ITPKB: variants seen among roughly 807,000 people sequenced by gnomAD.
The protein encoded by ITPKB is inositol-trisphosphate 3-kinase B.
ITPKB carries 13 observed loss-of-function variants against 69.4 expected under a neutral mutation model. That is an observed-to-expected ratio of 0.19 (90% CI 0.12 to 0.30). ITPKB has a LOEUF of 0.30. ITPKB is among the 10% of genes least tolerant of loss of function. The pLI, the probability that ITPKB is intolerant of heterozygous loss-of-function variation, is 1.00. For missense variants in ITPKB, 1,240 were observed against 1,250.5 expected, an observed-to-expected ratio of 0.99 and a Z score of 0.13; for synonymous variants, 584 against 513.7, an observed-to-expected ratio of 1.14 and a Z score of -1.85.
chr1:226,736,694 T>C lies in ITPKB; in HGVS notation c.765A>G (p.Val255=). ...GSEAQGPSAF[V]RMEKGIPASP... ...TGGCAGGGATACCCTTCTCCATCCT[T>C]ACAAAAGCGGATGGACCCTGAGCCT... is the stretch of plus-strand genomic sequence containing the variant. Residue 255 remains valine (V), a synonymous_variant, in exon 2 of 8, where the codon GTA becomes GTG. Coordinates refer to ENST00000429204, the MANE Select transcript of ITPKB (RefSeq NM_002221.4). The C allele has an allele frequency of 1.2e-6, 2 of 1,612,908 alleles. No individual in the cohort carries two copies. Among genetic ancestry groups the C allele is most frequent in the Non-Finnish European group, 1.7e-6 (2 of 1,179,792 alleles).
chr1:226,650,081 CAG>C lies in ITPKB; in HGVS notation c.1933-1312_1933-1311del, dbSNP rs1278438805. Among the ~76,000 whole-genome samples the C allele has an allele frequency of 3.3e-5, 5 of 152,322 alleles. No homozygotes were observed. In the East Asian group the frequency reaches 5.8e-4, roughly 18 times the overall value. ...AGGAGATGAGGGTGGTACTGCCTGA[CAG>C]GGGGACACACTGAAGATGTGGTTCC... On this transcript the variant is annotated intron_variant, in intron 2 of 7. Transcript: ENST00000429204.
At chr1:226,706,095 C>T (rs921064656) in intron 2 of ITPKB, among the ~76,000 whole-genome samples, 11 of 152,222 alleles carry the variant, frequency 7.2e-5, no homozygotes, top group Admixed American at 7.2e-4. Flanking sequence ...GATGATCCCC[C>T]TCCTGTGAGG....
chr1:226,655,061 AGAG>A (rs1389399635), intron 2 of ITPKB, among the ~76,000 whole-genome samples: 1 of 144,804 alleles, frequency 6.9e-6, no homozygotes, highest in African/African-American at 2.5e-5. Context: ...AGAAGGAAGA[AGAG>A]GAGGTGGGGA....
In ITPKB at chr1:226,637,887, C is replaced by A. The variant is rs185678391; in HGVS notation, c.2554-137G>T. 3.0e-6 allele frequency: 2 copies of A among 670,774 alleles called. No homozygotes were observed. The highest frequency in any genetic ancestry group is 5.4e-6 in the Non-Finnish European group (2 of 369,188). 41.6% of individuals were successfully genotyped at this position (670,774 alleles called of 1,614,324 possible). A position where few individuals can be genotyped will look rare whatever the true frequency, so the allele number is the denominator to read the frequency against. On this transcript the variant is annotated intron_variant, in intron 6 of 7. Coordinates refer to ENST00000429204, the MANE Select transcript of ITPKB (RefSeq NM_002221.4). The surrounding 1 kb of genome is among the most constrained non-coding windows in gnomAD (Gnocchi z 4.3). ...CCGGACATCTAGAGGCAGCTTCCTG[C>A]GAGCAGGGCTGCTGTGGCGTCTTTC... is the stretch of plus-strand genomic sequence containing the variant.
chr1:226,654,501 T>C (rs1483068079), intron 2 of ITPKB, among the ~76,000 whole-genome samples: 1 of 152,162 alleles, frequency 6.6e-6, no homozygotes, highest in African/African-American at 2.4e-5. Flanking sequence ...ATCTACTCCC[T>C]GGGGGCCAAG....
intron 2 of ITPKB, among the ~76,000 whole-genome samples, chr1:226,716,033 ACTCCTGAC>A (rs1216269143): frequency 6.6e-6 from 1 of 152,064 alleles, no homozygotes; most frequent in African/African-American, 2.4e-5. Flanking sequence ...CTGGTCTCAA[ACTCCTGAC>A]CTCAGGCAAT....
Position 226,736,405 on chromosome 1 carries a change from T to C in ITPKB, c.1054A>G (p.Ser352Gly). Residue 352 changes from serine (S) to glycine (G), a missense_variant, in exon 2 of 8, where the codon AGT (serine) becomes GGT (glycine). Around this residue, in one of 2 missense-constraint regions of ITPKB, gnomAD observed 992 missense variants for 853.8 expected, o/e 1.16. Transcript: ENST00000429204. ...CTTTCTGGGGCTGGGCTTGTCTCAC[T>C]GCCCAGAAACTGCCCCTGCCTCTCC... Reference protein sequence around the residue: ...LVERQGQFLGSETSPAPERGG... With the variant: ...LVERQGQFLGGETSPAPERGG... 1.9e-6 allele frequency: 3 copies of C among 1,612,542 alleles called. No individual in the cohort carries two copies. The highest frequency in any genetic ancestry group is 2.5e-6 in the Non-Finnish European group (3 of 1,179,982).
chr1:226,636,635 AGAGAGTCCCTAC>A (rs1466090458), intron 7 of ITPKB, among the ~76,000 whole-genome samples: 1 of 152,214 alleles, frequency 6.6e-6, no homozygotes, highest in Non-Finnish European at 1.5e-5. Flanking sequence ...GACCTCCACA[AGAGAGTCCCTAC>A]GAGAGGGGCT....
intron 2 of ITPKB, among the ~76,000 whole-genome samples, chr1:226,730,508 G>GTACC (rs1481199191): frequency 2.6e-5 from 4 of 152,078 alleles, no homozygotes; most frequent in Non-Finnish European, 5.9e-5. Context: ...GGAGTTGAGA[G>GTACC]TACCATATGC....
intron 2 of ITPKB, among the ~76,000 whole-genome samples, chr1:226,726,350 G>A (rs1323648858): frequency 6.6e-6 from 1 of 152,194 alleles, no homozygotes. Context: ...TGATGATGAT[G>A]AAGGAGAAAG....
chr1:226,720,080 T>C (rs930866341), intron 2 of ITPKB, among the ~76,000 whole-genome samples: 4 of 152,252 alleles, frequency 2.6e-5, no homozygotes, highest in African/African-American at 9.6e-5. Context: ...TTTGCTGCAG[T>C]TGCATCTATT....
In ITPKB at chr1:226,637,641, C is replaced by A. The variant is rs761542057; in HGVS notation, c.2625+38G>T. On this transcript the variant is annotated intron_variant, in intron 7 of 7. Coordinates refer to ENST00000429204, the MANE Select transcript of ITPKB (RefSeq NM_002221.4). The surrounding 1 kb of genome is among the most constrained non-coding windows in gnomAD (Gnocchi z 4.3). Reference sequence around the variant, plus strand: ...GAAGGAGAAGGCCTGTTGGCACGCGCAGCATTCTGCTCAAGAGGGCAAAAG... The same window carrying A: ...GAAGGAGAAGGCCTGTTGGCACGCGAAGCATTCTGCTCAAGAGGGCAAAAG... 6.6e-7 allele frequency: 1 copy of A among 1,515,934 alleles called. No individual in the cohort carries two copies. Among genetic ancestry groups the A allele is most frequent in the Non-Finnish European group, 9.2e-7 (1 of 1,091,336 alleles). 93.9% of individuals were successfully genotyped at this position (1,515,934 alleles called of 1,614,324 possible). A position where few individuals can be genotyped will look rare whatever the true frequency, so the allele number is the denominator to read the frequency against.
intron 2 of ITPKB, among the ~76,000 whole-genome samples, chr1:226,674,256 G>A (rs1473335346): frequency 6.6e-6 from 1 of 152,130 alleles, no homozygotes; most frequent in South Asian, 2.1e-4. Context: ...CTGGAGGGCA[G>A]TGGCACCATC....
intron 6 of ITPKB, 111 bp downstream of exon 6, chr1:226,639,446 G>T: frequency 1.3e-6 from 1 of 755,496 alleles, no homozygotes. Context: ...CTCGGGCTGG[G>T]GTGTGCTGTC....
At chr1:226,726,149 T>A (rs1216381971) in intron 2 of ITPKB, among the ~76,000 whole-genome samples, 1 of 152,248 alleles carries the variant, frequency 6.6e-6, no homozygotes, top group Non-Finnish European at 1.5e-5. Flanking sequence ...ATACCCATTT[T>A]ACAGATTGAG....
At chr1:226,665,776 A>C (rs1669488185) in intron 2 of ITPKB, among the ~76,000 whole-genome samples, 1 of 152,138 alleles carries the variant, frequency 6.6e-6, no homozygotes, top group South Asian at 2.1e-4. Context: ...CTCTGCCTCT[A>C]ATTAGTTACA....
chr1:226,643,239 C>T (rs531092842), intron 4 of ITPKB, among the ~76,000 whole-genome samples: 36 of 152,208 alleles, frequency 2.4e-4, no homozygotes, highest in African/African-American at 7.9e-4. Flanking sequence ...CCTGAGCTGC[C>T]GGGACACGCC....
intron 2 of ITPKB, among the ~76,000 whole-genome samples, chr1:226,723,786 A>G (rs1657318790): frequency 6.6e-6 from 1 of 152,156 alleles, no homozygotes. Context: ...GCTGGTCCCC[A>G]GGGTGTGTAA....
chr1:226,649,362 A>ACG (rs1553317006), intron 2 of ITPKB, among the ~76,000 whole-genome samples: 1 of 120,734 alleles, frequency 8.3e-6, no homozygotes, highest in African/African-American at 2.8e-5. Flanking sequence ...ATATATGTGC[A>ACG]TGTGTGCATG....
Sources: gnomAD v4.1 joint callset for allele counts (sites outside exome capture counted in the v4.1 genomes callset) on GRCh38, gnomAD v4.1.1 for gene constraint, gnomAD v4.1.1 regional missense constraint, Gnocchi (gnomAD v3.1) non-coding constraint, MANE v1.5 for transcripts, NCBI Gene and HGNC (gene_info 2026-07-23, HGNC 2026-07-21) for gene names.